Variants in SAMD12 observed in about 807,000 individuals in gnomAD.
SAMD12 encodes sterile alpha motif domain containing 12, also known as sterile alpha motif domain-containing protein 12.
SAMD12 carries 9 observed loss-of-function variants against 15.0 expected under a neutral mutation model. That is an observed-to-expected ratio of 0.60 (90% confidence interval 0.36 to 1.05). The LOEUF (loss-of-function observed/expected upper bound fraction) is 1.05. SAMD12 is among the 50% of genes least tolerant of loss of function. The probability of loss-of-function intolerance (pLI) is 0.01; values close to 1 mark genes in which losing one functional copy is unlikely to be tolerated. For synonymous variants in SAMD12, 86 were observed against 90.1 expected (o/e 0.96, Z 0.25); for missense variants, 230 against 234.2 (o/e 0.98, Z 0.12).
chr8:118,159,647 A>C, the SAMD12 span, among the ~76,000 whole-genome samples: 1 of 152,094 alleles, frequency 6.6e-6, no homozygotes, highest in African/African-American at 2.4e-5. Context: ...GCTTTATTTC[A>C]CTAGTGGAGA....
At chr8:118,557,416 G>C (rs112189423) in intron 2 of SAMD12, among the ~76,000 whole-genome samples, 14 of 152,284 alleles carry the variant, frequency 9.2e-5, no homozygotes, top group African/African-American at 3.1e-4. Context: ...AGCTGTGTGA[G>C]AACAGACTAA....
chr8:118,576,708 G>A (rs1409459280), intron 2 of SAMD12, among the ~76,000 whole-genome samples: 2 of 152,164 alleles, frequency 1.3e-5, no homozygotes, highest in Admixed American at 1.3e-4. Context: ...TTTGGAAACT[G>A]CTATGTGGAA....
At chr8:118,132,989 TA>T in the SAMD12 span, among the ~76,000 whole-genome samples, 506 of 70,420 alleles carry the variant, frequency 7.2e-3, 6 homozygotes, top group Non-Finnish European at 0.011. Context: ...TATATATATA[TA>T]TATATATATA....
At chr8:118,387,325 T>C (rs1029446112) in intron 3 of SAMD12, among the ~76,000 whole-genome samples, 11 of 152,142 alleles carry the variant, frequency 7.2e-5, no homozygotes, top group African/African-American at 2.2e-4. Context: ...CCACACTATC[T>C]CATAGAATGA....
intron 4 of SAMD12, among the ~76,000 whole-genome samples, chr8:118,256,431 C>G (rs1812940816): frequency 6.6e-6 from 1 of 151,844 alleles, no homozygotes; most frequent in Non-Finnish European, 1.5e-5. Flanking sequence ...ATTTAGTTTC[C>G]CAGGCTACCC....
intron 1 of SAMD12, among the ~76,000 whole-genome samples, chr8:118,603,018 G>A (rs924992956): frequency 9.2e-5 from 14 of 151,836 alleles, no homozygotes; most frequent in Non-Finnish European, 4.4e-5. Flanking sequence ...TCCAAAAACC[G>A]AGGTCTTAGA....
intron 4 of SAMD12, among the ~76,000 whole-genome samples, chr8:118,272,165 C>T (rs1181361305): frequency 2.0e-5 from 3 of 152,230 alleles, no homozygotes; most frequent in Non-Finnish European, 4.4e-5. Flanking sequence ...GAAATCCAGG[C>T]AGAGGTTTCC....
chr8:118,398,340 A>G (rs1428698217), intron 3 of SAMD12, among the ~76,000 whole-genome samples: 1 of 152,216 alleles, frequency 6.6e-6, no homozygotes, highest in Non-Finnish European at 1.5e-5. Flanking sequence ...TGCAGGTTAC[A>G]GTGAGCTGAG....
At chr8:118,246,757 A>G (rs1812707112) in intron 4 of SAMD12, among the ~76,000 whole-genome samples, 1 of 152,160 alleles carries the variant, frequency 6.6e-6, no homozygotes, top group South Asian at 2.1e-4. Flanking sequence ...GATACAGGGA[A>G]TGATTTCTAA....
chr8:118,475,499 AC>A (rs2130976000), intron 2 of SAMD12, among the ~76,000 whole-genome samples: 1 of 152,284 alleles, frequency 6.6e-6, no homozygotes, highest in East Asian at 1.9e-4. Flanking sequence ...ACAGACTAAG[AC>A]ACTAATATTA....
intron 4 of SAMD12, among the ~76,000 whole-genome samples, chr8:118,316,045 G>T (rs577605264): frequency 6.6e-6 from 1 of 152,030 alleles, no homozygotes; most frequent in African/African-American, 2.4e-5. Flanking sequence ...TTATTTTTGC[G>T]TAATGGCATT....
chr8:118,466,746 CAAGTA>C (rs1823606384), intron 2 of SAMD12, among the ~76,000 whole-genome samples: 1 of 151,896 alleles, frequency 6.6e-6, no homozygotes, highest in South Asian at 2.1e-4. Flanking sequence ...GCCTAACACT[CAAGTA>C]AAGTGAAACT....
chr8:118,575,353 G>A lies in SAMD12; in HGVS notation c.192+5362C>T, dbSNP rs114850173. On this transcript the variant is annotated intron_variant, in intron 2 of 3. Transcript: ENST00000314727. Reference sequence around the variant, plus strand: ...TATAATACAGCAATCAAGATTTGCTGTTTTCTCCCTGAGGAGTAATTAATA... The same window carrying A: ...TATAATACAGCAATCAAGATTTGCTATTTTCTCCCTGAGGAGTAATTAATA... 8.3e-4 allele frequency among the ~76,000 whole-genome samples: 126 copies of A among 152,302 alleles called. 2 individuals are homozygous for A. Among genetic ancestry groups the A allele is most frequent in the African/African-American group, 2.9e-3 (119 of 41,558 alleles).
At chr8:118,284,461 T>C in intron 4 of SAMD12, 1 of 424,176 alleles carries the variant, frequency 2.4e-6, no homozygotes, top group Non-Finnish European at 4.7e-6. Flanking sequence ...CTGTCCCCTT[T>C]AATCTTCATA....
At chr8:118,571,129 G>A (rs1418245110) in intron 2 of SAMD12, among the ~76,000 whole-genome samples, 1 of 152,142 alleles carries the variant, frequency 6.6e-6, no homozygotes, top group Non-Finnish European at 1.5e-5. Flanking sequence ...TTGGTACTAG[G>A]AGTGGACTAA....
At chr8:118,219,122 C>A (rs903923012) in intron 4 of SAMD12, among the ~76,000 whole-genome samples, 1 of 152,204 alleles carries the variant, frequency 6.6e-6, no homozygotes, top group Non-Finnish European at 1.5e-5. Context: ...CACCTCACCT[C>A]ACTCTTTTTT....
chr8:118,340,497 A>G (rs546875456), intron 4 of SAMD12, among the ~76,000 whole-genome samples: 1 of 152,164 alleles, frequency 6.6e-6, no homozygotes, highest in Admixed American at 6.5e-5. Flanking sequence ...TGCCAGGCGC[A>G]GTGGCTCATG....
At chr8:118,135,912 C>T in the SAMD12 span, among the ~76,000 whole-genome samples, 1 of 152,160 alleles carries the variant, frequency 6.6e-6, no homozygotes, top group African/African-American at 2.4e-5. Context: ...CTCTCCTTTC[C>T]ACATCTCCTT....
intron 2 of SAMD12, among the ~76,000 whole-genome samples, chr8:118,546,237 C>G (rs1254050679): frequency 2.0e-5 from 3 of 152,104 alleles, no homozygotes; most frequent in Admixed American, 2.0e-4. Context: ...AACATTTAAG[C>G]CAAGACCTGG....
Sources: gnomAD v4.1 joint callset for allele counts (sites outside exome capture counted in the v4.1 genomes callset) on GRCh38, gnomAD v4.1.1 for gene constraint, MANE v1.5 for transcripts, NCBI Gene and HGNC (gene_info 2026-07-23, HGNC 2026-07-21) for gene names.